STK38L: variants seen among roughly 807,000 people sequenced by gnomAD.
STK38L encodes the protein serine/threonine kinase 38 like.
A neutral mutation model predicts 59.7 loss-of-function variants in STK38L; 28 were observed. The observed-to-expected ratio is 0.47, with a 90% CI of 0.35 to 0.64. The LOEUF (loss-of-function observed/expected upper bound fraction) is 0.64, where lower values mean the gene tolerates loss of function less well. Among genes scored for constraint, STK38L ranks in the 30% least tolerant of loss-of-function variants. The probability of loss-of-function intolerance (pLI) is 0.01; values close to 1 mark genes in which losing one functional copy is unlikely to be tolerated. For synonymous variants in STK38L, 162 were observed against 176.8 expected (o/e 0.92, Z 0.66); for missense variants, 314 against 555.8 (o/e 0.56, Z 4.37).
chr12:27,293,259 C>A (rs1943936274), intron 1 of STK38L, among the ~76,000 whole-genome samples: 1 of 152,202 alleles, frequency 6.6e-6, no homozygotes, highest in Admixed American at 6.5e-5. Flanking sequence ...CTCTAGCCCC[C>A]CAATTTGGCT....
intron 1 of STK38L, among the ~76,000 whole-genome samples, chr12:27,296,329 A>G (rs900817333): frequency 2.0e-5 from 3 of 152,248 alleles, no homozygotes; most frequent in African/African-American, 4.8e-5. Flanking sequence ...TAAAGTAGTC[A>G]GCAGAGGAAC....
chr12:27,315,664 A>G (rs1010691667), intron 9 of STK38L, among the ~76,000 whole-genome samples: 1 of 152,138 alleles, frequency 6.6e-6, no homozygotes, highest in African/African-American at 2.4e-5. Context: ...TGTGATTTCC[A>G]TTTTTCCATT....
At chr12:27,277,392 CCACACA>C (rs58648742) in intron 1 of STK38L, among the ~76,000 whole-genome samples, 98,066 of 148,620 alleles carry the variant, frequency 0.66, 32,971 homozygotes, top group Non-Finnish European at 0.74. Context: ...CTGGAAGGAA[CCACACA>C]CACACACACA....
chr12:27,286,052 A>G (rs755174014), intron 1 of STK38L, among the ~76,000 whole-genome samples: 57 of 152,148 alleles, frequency 3.7e-4, no homozygotes, highest in Middle Eastern at 3.2e-3. Flanking sequence ...ATGACTGGAA[A>G]ACTTCTTCAA....
chr12:27,253,469 C>A lies in STK38L; in HGVS notation c.-12+9137C>A, dbSNP rs1171892720. Among the ~76,000 whole-genome samples, 3 of 152,118 alleles carry A rather than the reference C, an allele frequency of 2.0e-5. No homozygotes were observed. The East Asian group carries it at 5.8e-4, about 29-fold the overall frequency. On this transcript the variant is annotated intron_variant, in intron 1 of 13. Transcript: ENST00000389032. ...CTCTAGTGAAAGAACCTAGGCAGTT[C>A]TTTCACTGTGAATTGTACATAAAGT...
At chr12:27,301,188 T>TA (rs1177699145) in intron 2 of STK38L, among the ~76,000 whole-genome samples, 2 of 152,070 alleles carry the variant, frequency 1.3e-5, no homozygotes, top group Non-Finnish European at 2.9e-5. Context: ...GGGTGCTGTT[T>TA]AAAAAAAATG....
At chr12:27,281,498 A>C (rs1179093835) in intron 1 of STK38L, among the ~76,000 whole-genome samples, 1 of 152,214 alleles carries the variant, frequency 6.6e-6, no homozygotes, top group Non-Finnish European at 1.5e-5. Flanking sequence ...TCCAGTTGAG[A>C]GGCCTCTGGT....
At chr12:27,288,693 A>C (rs960250476) in intron 1 of STK38L, among the ~76,000 whole-genome samples, 2 of 151,524 alleles carry the variant, frequency 1.3e-5, no homozygotes, top group Admixed American at 6.6e-5. Context: ...TATGAATAAC[A>C]TAAAGATATA....
intron 1 of STK38L, among the ~76,000 whole-genome samples, chr12:27,270,578 A>G (rs962104524): frequency 6.6e-6 from 1 of 152,088 alleles, no homozygotes; most frequent in African/African-American, 2.4e-5. Context: ...GGGTTTCACC[A>G]TGTTAGCCAG....
chr12:27,284,612 GCTTA>G (rs1488327632), intron 1 of STK38L, among the ~76,000 whole-genome samples: 5 of 152,158 alleles, frequency 3.3e-5, no homozygotes, highest in African/African-American at 1.2e-4. Flanking sequence ...TTGCCAGTGT[GCTTA>G]CTTGAATTAC....
chr12:27,250,188 G>A (rs796517201), intron 1 of STK38L, among the ~76,000 whole-genome samples: 1 of 152,060 alleles, frequency 6.6e-6, no homozygotes, highest in African/African-American at 2.4e-5. Context: ...TTTTCAGGGG[G>A]CCAAGTTCTC....
intron 1 of STK38L, among the ~76,000 whole-genome samples, chr12:27,268,814 A>G (rs1210538019): frequency 6.6e-6 from 1 of 152,090 alleles, no homozygotes; most frequent in Non-Finnish European, 1.5e-5. Flanking sequence ...CGCCATTCTA[A>G]CTGGTGTGAG....
chr12:27,246,305 T>G (rs1591836746), intron 1 of STK38L, among the ~76,000 whole-genome samples: 1 of 146,758 alleles, frequency 6.8e-6, no homozygotes, highest in East Asian at 2.1e-4. Context: ...TCCCCAGTGA[T>G]CCAGGATAAG....
At chr12:27,296,290 TA>T (rs1239563609) in intron 1 of STK38L, among the ~76,000 whole-genome samples, 1 of 152,264 alleles carries the variant, frequency 6.6e-6, no homozygotes, top group Non-Finnish European at 1.5e-5. Context: ...TGACTGATTC[TA>T]AACAAGTGAC....
At chr12:27,296,881 G>A (rs10431218) in intron 1 of STK38L, 120,068 of 152,214 alleles carry the variant, frequency 0.79, 47,666 homozygotes, top group African/African-American at 0.87. Context: ...TCTTTGAAAC[G>A]GTACTTTGTT....
chr12:27,274,277 C>T (rs188852983), intron 1 of STK38L, among the ~76,000 whole-genome samples: 51 of 150,360 alleles, frequency 3.4e-4, no homozygotes, highest in African/African-American at 1.2e-3. Flanking sequence ...AGATAAAAGA[C>T]ACTATGTAAT....
intron 1 of STK38L, among the ~76,000 whole-genome samples, chr12:27,283,009 A>T (rs939406452): frequency 4.6e-5 from 7 of 152,302 alleles, no homozygotes; most frequent in Non-Finnish European, 1.0e-4. Context: ...GTTTCTAAGG[A>T]TGTCATGAGG....
intron 1 of STK38L, among the ~76,000 whole-genome samples, chr12:27,259,399 G>C (rs574998499): frequency 6.6e-6 from 1 of 152,058 alleles, no homozygotes; most frequent in Non-Finnish European, 1.5e-5. Flanking sequence ...TTTTATGGCC[G>C]CTTCACGTGT....
chr12:27,290,916 T>C (rs189815935), intron 1 of STK38L, among the ~76,000 whole-genome samples: 2 of 152,330 alleles, frequency 1.3e-5, no homozygotes, highest in Non-Finnish European at 2.9e-5. Context: ...TTCTGCAGGC[T>C]ACCAGGTTGT....
Sources: allele counts gnomAD v4.1 joint callset (sites outside exome capture counted in the v4.1 genomes callset), GRCh38; gene constraint gnomAD v4.1.1; transcripts MANE v1.5; gene names NCBI Gene and HGNC (gene_info 2026-07-23, HGNC 2026-07-21).